The following PTPRD variants were observed in gnomAD, a reference collection of about 807,000 sequenced individuals.
PTPRD encodes the protein receptor-type tyrosine-protein phosphatase delta.
In PTPRD, 34 loss-of-function variants were observed where a neutral mutation model predicts 214.5. The observed-to-expected ratio is 0.16, with a 90% CI of 0.12 to 0.21. PTPRD has a LOEUF of 0.21. Ranked by LOEUF, PTPRD falls within the 10% of genes least tolerant of loss-of-function variation. The probability of loss-of-function intolerance (pLI) is 1.00; values close to 1 mark genes in which losing one functional copy is unlikely to be tolerated. For synonymous variants in PTPRD, 1,128 were observed against 845.7 expected (o/e 1.33, Z -5.79); for missense variants, 2,545 against 2,398.7 (o/e 1.06, Z -1.27).
intron 4 of PTPRD, among the ~76,000 whole-genome samples, chr9:9,967,916 A>G (rs2094819870): frequency 6.6e-6 from 1 of 152,166 alleles, no homozygotes; most frequent in South Asian, 2.1e-4. Context: ...ATATACTGAT[A>G]TTATGATACA....
intron 12 of PTPRD, among the ~76,000 whole-genome samples, chr9:8,693,281 C>T (rs910096211): frequency 6.6e-6 from 1 of 152,168 alleles, no homozygotes; most frequent in Non-Finnish European, 1.5e-5. Context: ...AACACCTCAT[C>T]TTCTTGTCTC....
chr9:8,723,890 T>C lies in PTPRD; in HGVS notation c.64+9890A>G, dbSNP rs568079946. Among the ~76,000 whole-genome samples, 334 of 152,348 alleles carry C rather than the reference T, an allele frequency of 2.2e-3. 2 individuals carry two copies. The highest frequency in any genetic ancestry group is 0.014 in the Middle Eastern group (4 of 292). ...TGTGTGCTATTTTTTAAACTGACGA[T>C]TTAAGTACTTAGTGTATCTTAAAGC... is the stretch of plus-strand genomic sequence containing the variant. On this transcript the variant is annotated intron_variant, in intron 12 of 45. Transcript: ENST00000381196.
intron 39 of PTPRD, among the ~76,000 whole-genome samples, chr9:8,374,442 T>G (rs559154956): frequency 6.6e-6 from 1 of 152,126 alleles, no homozygotes; most frequent in African/African-American, 2.4e-5. Flanking sequence ...TAAAACCACT[T>G]GCTCAAATTA....
chr9:8,355,044 T>G (rs2076619794), intron 39 of PTPRD, among the ~76,000 whole-genome samples: 1 of 152,164 alleles, frequency 6.6e-6, no homozygotes, highest in South Asian at 2.1e-4. Flanking sequence ...TGTTGAGATA[T>G]GATCCTCAAT....
chr9:10,197,060 T>C (rs911427956), intron 3 of PTPRD, among the ~76,000 whole-genome samples: 4 of 152,052 alleles, frequency 2.6e-5, no homozygotes, highest in African/African-American at 7.2e-5. Context: ...CCCCCTAGTT[T>C]ATGCTGTTTT....
chr9:8,503,844 A>C (rs1444083664), intron 23 of PTPRD, among the ~76,000 whole-genome samples: 1 of 152,230 alleles, frequency 6.6e-6, no homozygotes, highest in Non-Finnish European at 1.5e-5. Flanking sequence ...GCAAAGCTAA[A>C]GCCTGTGTGC....
intron 10 of PTPRD, among the ~76,000 whole-genome samples, chr9:9,153,004 T>C (rs778123782): frequency 3.3e-5 from 5 of 152,206 alleles, no homozygotes; most frequent in Non-Finnish European, 5.9e-5. Flanking sequence ...ATTCCTTATT[T>C]TAGAATTTTC....
chr9:10,428,749 A>G (rs2098649059), intron 2 of PTPRD, among the ~76,000 whole-genome samples: 2 of 152,110 alleles, frequency 1.3e-5, no homozygotes, highest in South Asian at 4.1e-4. Context: ...CATGGTCTAA[A>G]CTTTTGGAAT....
chr9:9,553,834 T>C (rs577579607), intron 8 of PTPRD, among the ~76,000 whole-genome samples: 1 of 152,080 alleles, frequency 6.6e-6, no homozygotes, highest in African/African-American at 2.4e-5. Context: ...AAATAATGCT[T>C]ACACATTCTC....
intron 12 of PTPRD, among the ~76,000 whole-genome samples, chr9:8,726,850 A>G (rs2098583903): frequency 6.7e-6 from 1 of 149,134 alleles, no homozygotes; most frequent in African/African-American, 2.5e-5. Flanking sequence ...GCGTGCCTGT[A>G]GTTCCAGCTA....
chr9:9,754,201 AAG>A (rs2098547767), intron 6 of PTPRD, among the ~76,000 whole-genome samples: 1 of 152,080 alleles, frequency 6.6e-6, no homozygotes, highest in South Asian at 2.1e-4. Flanking sequence ...GGAGGAATGA[AAG>A]AGTCTTTGAA....
At chr9:9,321,138 G>A (rs1966259103) in intron 9 of PTPRD, among the ~76,000 whole-genome samples, 1 of 152,134 alleles carries the variant, frequency 6.6e-6, no homozygotes, top group African/African-American at 2.4e-5. Context: ...ATCTACGTAT[G>A]AAATAAAGAT....
At chr9:10,244,474 C>A (rs1237992402) in intron 3 of PTPRD, among the ~76,000 whole-genome samples, 1 of 152,004 alleles carries the variant, frequency 6.6e-6, no homozygotes, top group African/African-American at 2.4e-5. Flanking sequence ...TTTCTGTGGA[C>A]ACTGAAGAGA....
At chr9:8,346,500 T>C (rs1198771583) in intron 39 of PTPRD, among the ~76,000 whole-genome samples, 1 of 152,234 alleles carries the variant, frequency 6.6e-6, no homozygotes, top group Non-Finnish European at 1.5e-5. Flanking sequence ...TTCAATGACA[T>C]ACTTTTCTGA....
At chr9:9,426,250 A>T (rs2080868720) in intron 8 of PTPRD, among the ~76,000 whole-genome samples, 1 of 152,222 alleles carries the variant, frequency 6.6e-6, no homozygotes, top group African/African-American at 2.4e-5. Flanking sequence ...ATGGCACACC[A>T]GGAGATTATA....
At chr9:9,534,108 G>T (rs28531381) in intron 8 of PTPRD, among the ~76,000 whole-genome samples, 27,231 of 151,918 alleles carry the variant, frequency 0.18, 2,693 homozygotes, top group Middle Eastern at 0.22. Flanking sequence ...AAAAGAGAGT[G>T]CTCTTATAAG....
intron 9 of PTPRD, among the ~76,000 whole-genome samples, chr9:9,333,402 G>C (rs1263549724): frequency 1.5e-4 from 22 of 150,548 alleles, no homozygotes; most frequent in Admixed American, 1.4e-3. Flanking sequence ...GGATTGTTTA[G>C]GGGAGAATAA....
chr9:10,208,268 A>C (rs1166375917), intron 3 of PTPRD, among the ~76,000 whole-genome samples: 6 of 152,200 alleles, frequency 3.9e-5, no homozygotes, highest in Non-Finnish European at 7.3e-5. Context: ...TAATCCCAGC[A>C]CTTTGGGTGG....
At chr9:9,480,968 T>C (rs953931808) in intron 8 of PTPRD, among the ~76,000 whole-genome samples, 1 of 152,144 alleles carries the variant, frequency 6.6e-6, no homozygotes, top group African/African-American at 2.4e-5. Context: ...GGATAAGTTA[T>C]TCTGTTTCTC....
Sources: gnomAD v4.1 joint callset for allele counts (sites outside exome capture counted in the v4.1 genomes callset) on GRCh38, gnomAD v4.1.1 for gene constraint, MANE v1.5 for transcripts, NCBI Gene and HGNC (gene_info 2026-07-23, HGNC 2026-07-21) for gene names.